The following PHF24 variants were observed in gnomAD, a reference collection of about 807,000 sequenced individuals.
PHF24 encodes the protein PHD finger protein 24, also known as Galpha inhibitory interacting protein.
In PHF24, 25 loss-of-function variants were observed where a neutral mutation model predicts 42.6. That is an observed-to-expected ratio of 0.59 (90% CI 0.43 to 0.82). The LOEUF is 0.82. Ranked by LOEUF, PHF24 falls within the 40% of genes least tolerant of loss-of-function variation. PHF24 has a pLI of 0.00. For synonymous variants in PHF24, 185 were observed against 204.8 expected (o/e 0.90, Z 0.83); for missense variants, 470 against 538.1 (o/e 0.87, Z 1.25).
chr9:34,758,901 A>G, the PHF24 span, among the ~76,000 whole-genome samples: 1 of 151,868 alleles, frequency 6.6e-6, no homozygotes, highest in Non-Finnish European at 1.5e-5. The surrounding 1 kb of genome is among the most constrained non-coding windows in gnomAD (Gnocchi z 4.4). Context: ...GGGAAGTCCT[A>G]CCTGATTCTA....
At chr9:34,821,182 G>A in the PHF24 span, among the ~76,000 whole-genome samples, 2 of 152,088 alleles carry the variant, frequency 1.3e-5, no homozygotes, top group Non-Finnish European at 2.9e-5. Context: ...GGTAATTAAT[G>A]ATATGATTGT....
the PHF24 span, chr9:34,709,789 A>T: frequency 6.2e-7 from 1 of 1,611,410 alleles, no homozygotes; most frequent in East Asian, 2.2e-5. Context: ...GATAGCTGGG[A>T]TGGAGCAGCC....
the PHF24 span, among the ~76,000 whole-genome samples, chr9:34,829,065 C>A: frequency 6.2e-4 from 95 of 152,176 alleles, no homozygotes; most frequent in African/African-American, 2.1e-3. Context: ...GATGCTACTG[C>A]AGTAATGGTA....
chr9:34,961,215 A>G (rs1826578965), intron 1 of PHF24, among the ~76,000 whole-genome samples: 1 of 152,164 alleles, frequency 6.6e-6, no homozygotes, highest in East Asian at 1.9e-4. Context: ...GCTTCTCTCC[A>G]GCAGTGCTGC....
the PHF24 span, among the ~76,000 whole-genome samples, chr9:34,801,991 G>A: frequency 1.3e-5 from 2 of 152,084 alleles, no homozygotes; most frequent in African/African-American, 4.8e-5. Context: ...TGGGTTGATA[G>A]GTGCAGCAAA....
At chr9:34,826,417 G>A in the PHF24 span, among the ~76,000 whole-genome samples, 1 of 152,216 alleles carries the variant, frequency 6.6e-6, no homozygotes, top group Non-Finnish European at 1.5e-5. Flanking sequence ...GCCAGGTAGA[G>A]CATTCGGCCC....
the PHF24 span, among the ~76,000 whole-genome samples, chr9:34,805,197 C>T: frequency 1.3e-5 from 2 of 152,154 alleles, no homozygotes; most frequent in African/African-American, 4.8e-5. Flanking sequence ...TGTGGACATA[C>T]ATTTTCATTT....
chr9:34,704,527 G>A, the PHF24 span, among the ~76,000 whole-genome samples: 5 of 151,692 alleles, frequency 3.3e-5, no homozygotes, highest in Non-Finnish European at 7.4e-5. Context: ...AGAGATAGTG[G>A]TGAAATTATT....
the PHF24 span, among the ~76,000 whole-genome samples, chr9:34,874,669 A>G: frequency 1.3e-5 from 2 of 152,272 alleles, no homozygotes; most frequent in South Asian, 2.1e-4. Context: ...TCCAACAAAC[A>G]TTCATTTAGA....
chr9:34,870,861 C>T, the PHF24 span, among the ~76,000 whole-genome samples: 1 of 152,172 alleles, frequency 6.6e-6, no homozygotes, highest in African/African-American at 2.4e-5. Flanking sequence ...TATAGAAAGA[C>T]ATCTTGGTTG....
At chr9:34,901,767 G>C in the PHF24 span, among the ~76,000 whole-genome samples, 6 of 151,932 alleles carry the variant, frequency 3.9e-5, no homozygotes, top group African/African-American at 1.2e-4. Context: ...GCACTGATTG[G>C]GTATTTGATG....
At chr9:34,947,087 T>G in the PHF24 span, among the ~76,000 whole-genome samples, 1 of 152,234 alleles carries the variant, frequency 6.6e-6, no homozygotes, top group Non-Finnish European at 1.5e-5. Context: ...ATTATAGTAT[T>G]GTACTTCCTT....
the PHF24 span, among the ~76,000 whole-genome samples, chr9:34,901,445 T>G: frequency 1.3e-5 from 2 of 152,218 alleles, no homozygotes; most frequent in South Asian, 2.1e-4. Flanking sequence ...ATCAGGACTA[T>G]GGACAAAGGA....
chr9:34,761,822 A>G, the PHF24 span, among the ~76,000 whole-genome samples: 1 of 152,014 alleles, frequency 6.6e-6, no homozygotes, highest in Admixed American at 6.6e-5. Flanking sequence ...CATTAGGTAT[A>G]TCTCCTAATG....
At chr9:34,665,697 T>C in the PHF24 span, 1 of 700,718 alleles carries the variant, frequency 1.4e-6, no homozygotes, top group African/African-American at 1.7e-5. Flanking sequence ...AGCGGCATGA[T>C]TGAATCAGGG....
the PHF24 span, among the ~76,000 whole-genome samples, chr9:34,845,908 G>C: frequency 2.6e-5 from 4 of 152,126 alleles, no homozygotes; most frequent in South Asian, 8.3e-4. Flanking sequence ...TTTCATCCAT[G>C]TCCCTGCAAA....
the PHF24 span, chr9:34,838,202 G>A: frequency 1.7e-6 from 1 of 573,680 alleles, no homozygotes; most frequent in Non-Finnish European, 3.2e-6. Flanking sequence ...TAGGCTCTGA[G>A]AAGGAAAAGA....
chr9:34,735,661 C>T, the PHF24 span, among the ~76,000 whole-genome samples: 5 of 150,058 alleles, frequency 3.3e-5, no homozygotes, highest in African/African-American at 1.0e-4. Flanking sequence ...TAGCTGGGCG[C>T]GGTGGCAGAT....
At chr9:34,972,661 A>G in intron 3 of PHF24, 130 bp downstream of exon 3, 1 of 784,564 alleles carries the variant, frequency 1.3e-6, no homozygotes, top group Non-Finnish European at 1.9e-6. Flanking sequence ...CATGCCTGTA[A>G]TCCCAGCACT....
Sources: allele counts gnomAD v4.1 joint callset (sites outside exome capture counted in the v4.1 genomes callset), GRCh38; gene constraint gnomAD v4.1.1; non-coding constraint Gnocchi (gnomAD v3.1); transcripts MANE v1.5; gene names NCBI Gene and HGNC (gene_info 2026-07-23, HGNC 2026-07-21).